The following EGFLAM variants were observed in gnomAD, a reference collection of about 807,000 sequenced individuals.
EGFLAM encodes EGF like, fibronectin type III and laminin G domains.
A neutral mutation model predicts 113.1 loss-of-function variants in EGFLAM; 79 were observed. That is an observed-to-expected ratio of 0.70 (90% CI 0.58 to 0.84). The LOEUF (loss-of-function observed/expected upper bound fraction) is 0.84. EGFLAM is among the 40% of genes least tolerant of loss of function. The probability of loss-of-function intolerance (pLI) is 0.00; values close to 1 mark genes in which losing one functional copy is unlikely to be tolerated. For missense variants in EGFLAM, 1,265 were observed against 1,291.6 expected (o/e 0.98, Z 0.32); for synonymous variants, 504 against 487.6 (o/e 1.03, Z -0.44).
intron 6 of EGFLAM, among the ~76,000 whole-genome samples, chr5:38,371,320 G>A (rs772116458): frequency 2.3e-4 from 35 of 152,270 alleles, no homozygotes; most frequent in African/African-American, 7.2e-4. Context: ...CCCAGAAAAT[G>A]TGCTGTCAGA....
rs1743414717 is a variant in EGFLAM, at chr5:38,464,815, G to C, written c.*829G>C. 6.6e-6 allele frequency: 1 copy of C among 152,218 alleles called. No homozygotes were observed. Among genetic ancestry groups the C allele is most frequent in the South Asian group, 2.1e-4 (1 of 4,826 alleles). The allele number at this position is 152,218 out of a possible 1,614,324, so 9.4% of individuals were successfully genotyped here. A position where few individuals can be genotyped will look rare whatever the true frequency, so the allele number is the denominator to read the frequency against. On this transcript the variant is annotated 3_prime_UTR_variant, in exon 22 of 22. Transcript: ENST00000322350. The stretch of plus-strand genomic sequence containing the variant: ...GGCCTTTTGTGGTGTCAGTGGAATG[G>C]ATAGGTAACTTGGGTGGGCAACTTG...
rs1741717020 is a variant in EGFLAM at position 38,418,244 on chromosome 5, GGGCTGATGTGGGTAAGT to G, written c.1679_1684+11del. On this transcript the variant is annotated splice_donor_variant and splice_donor_5th_base_variant and coding_sequence_variant and intron_variant, in exon 12 of 22. Transcript: ENST00000322350. LOFTEE classifies it high-confidence loss of function. ...TGGCCCCTGGGAAAAGCACTCAGTG[GGGCTGATGTGGGTAAGT>G]GGCTGCCTGGTGGGTTGGGGTACTC... 1 of 1,613,468 alleles carries G rather than the reference GGGCTGATGTGGGTAAGT, an allele frequency of 6.2e-7. No individual in the cohort carries two copies. The highest frequency in any genetic ancestry group is 8.5e-7 in the Non-Finnish European group (1 of 1,179,824).
At chr5:38,361,301 C>G (rs1459276211) in intron 5 of EGFLAM, among the ~76,000 whole-genome samples, 14 of 152,224 alleles carry the variant, frequency 9.2e-5, no homozygotes, top group Admixed American at 8.5e-4. Context: ...CTACGTTCCT[C>G]TACTCCCAGA....
chr5:38,380,122 T>G (rs1579843879), intron 6 of EGFLAM, among the ~76,000 whole-genome samples: 1 of 152,240 alleles, frequency 6.6e-6, no homozygotes, highest in South Asian at 2.1e-4. Context: ...TTAAACTTTT[T>G]CCCCAGCCCC....
chr5:38,358,610 C>T (rs73075413), intron 5 of EGFLAM, among the ~76,000 whole-genome samples: 14,598 of 151,842 alleles, frequency 0.096, 1,053 homozygotes, highest in African/African-American at 0.2. Context: ...GTTCTTCATC[C>T]AACTTCTATT....
intron 6 of EGFLAM, among the ~76,000 whole-genome samples, chr5:38,383,639 T>C (rs1174186740): frequency 6.6e-6 from 1 of 152,172 alleles, no homozygotes; most frequent in Non-Finnish European, 1.5e-5. Flanking sequence ...ATGAGGTATA[T>C]CTGTGGGAGA....
chr5:38,455,919 A>G (rs555021690), intron 19 of EGFLAM, among the ~76,000 whole-genome samples: 1 of 152,268 alleles, frequency 6.6e-6, no homozygotes, highest in Admixed American at 6.5e-5. Context: ...GCCTCCCTTC[A>G]CGTACACAGC....
rs757552717 is a variant in EGFLAM at position 38,448,336 on chromosome 5, G to A, written c.2500G>A (p.Gly834Ser). 46 of 1,613,946 alleles carry A rather than the reference G, an allele frequency of 2.9e-5. No individual in the cohort carries two copies. In the East Asian group the frequency reaches 3.6e-4, roughly 13 times the overall value. The change falls in exon 18 of 22, where the codon GGC becomes AGC. Residue 834 changes from glycine to serine, a missense_variant. Transcript: ENST00000322350. ...AGCCATTGAGATCCCGCAGTTTATC[G>A]GCCGCAGTTACCTGACGTATGACAA... ...IEAIEIPQFI[G>S]RSYLTYDNPD...
intron 6 of EGFLAM, among the ~76,000 whole-genome samples, chr5:38,396,435 A>T (rs2112099855): frequency 6.6e-6 from 1 of 152,216 alleles, no homozygotes; most frequent in East Asian, 1.9e-4. Flanking sequence ...TCAGATTATA[A>T]CTGGGGTCTT....
At chr5:38,408,483 A>T (rs1339039158) in intron 9 of EGFLAM, among the ~76,000 whole-genome samples, 5 of 152,198 alleles carry the variant, frequency 3.3e-5, no homozygotes, top group African/African-American at 1.2e-4. Context: ...TCTCATTTGA[A>T]GTCATGGCCA....
At chr5:38,356,839 A>G (rs1293211999) in intron 5 of EGFLAM, among the ~76,000 whole-genome samples, 1 of 152,194 alleles carries the variant, frequency 6.6e-6, no homozygotes, top group African/African-American at 2.4e-5. Flanking sequence ...TAATGCTGAA[A>G]CTGCAGTTTG....
At chr5:38,390,886 A>G (rs1419172947) in intron 6 of EGFLAM, among the ~76,000 whole-genome samples, 3 of 152,006 alleles carry the variant, frequency 2.0e-5, no homozygotes, top group African/African-American at 7.2e-5. Flanking sequence ...TATTAAATAT[A>G]TGTTTAAATA....
chr5:38,434,888 A>G (rs1240163651), intron 15 of EGFLAM, among the ~76,000 whole-genome samples: 2 of 152,322 alleles, frequency 1.3e-5, no homozygotes, highest in East Asian at 1.9e-4. Context: ...GGTAGATACA[A>G]TGACTCCCAT....
chr5:38,263,617 T>C (rs567984571), intron 1 of EGFLAM, among the ~76,000 whole-genome samples: 182 of 152,344 alleles, frequency 1.2e-3, no homozygotes, highest in Non-Finnish European at 2.2e-3. Flanking sequence ...CTTAATGGTG[T>C]CTTTCAAAAT....
At chr5:38,367,793 G>C (rs16903956) in intron 5 of EGFLAM, among the ~76,000 whole-genome samples, 7,147 of 152,156 alleles carry the variant, frequency 0.047, 185 homozygotes, top group East Asian at 0.082. Context: ...TTGTACTTTT[G>C]TACCTGAAGA....
Position 38,431,284 on chromosome 5 carries a change from C to A in EGFLAM, c.2162C>A (p.Ala721Glu), listed in dbSNP as rs767471383. ...VDKQKIVEGM[A>E]EGGFTQIKCN... ...AAGCAGAAGATAGTGGAGGGAATGG[C>A]AGAGGTAAGAACAGTACACCTTTTC... Residue 721 changes from alanine (A) to glutamate (E), a missense_variant, in exon 15 of 22, where the codon GCA (alanine) becomes GAA (glutamate). Ala to Glu is a moderately radical substitution (Grantham distance 107). Transcript: ENST00000322350. The A allele has an allele frequency of 5.0e-6, 8 of 1,613,784 alleles. No individual in the cohort carries two copies. In the East Asian group the frequency reaches 1.8e-4, roughly 36 times the overall value.
At chr5:38,301,881 G>T (rs1447145469) in intron 1 of EGFLAM, among the ~76,000 whole-genome samples, 4 of 152,114 alleles carry the variant, frequency 2.6e-5, no homozygotes, top group Non-Finnish European at 5.9e-5. Context: ...CTGGTATGAA[G>T]TTGGCATCAA....
At chr5:38,455,935 C>G (rs968721883) in intron 19 of EGFLAM, among the ~76,000 whole-genome samples, 6 of 152,212 alleles carry the variant, frequency 3.9e-5, no homozygotes, top group African/African-American at 1.4e-4. Context: ...ACAGCCAGAT[C>G]ACCTTGATTC....
intron 6 of EGFLAM, among the ~76,000 whole-genome samples, chr5:38,399,587 C>A (rs1027306441): frequency 1.3e-5 from 2 of 152,058 alleles, no homozygotes; most frequent in South Asian, 2.1e-4. Context: ...CCCCAAGGTC[C>A]TTTGATAGAT....
Sources: gnomAD v4.1 joint callset for allele counts (sites outside exome capture counted in the v4.1 genomes callset) on GRCh38, gnomAD v4.1.1 for gene constraint, MANE v1.5 for transcripts, NCBI Gene and HGNC (gene_info 2026-07-23, HGNC 2026-07-21) for gene names.